Variants in TNPO1 observed in about 807,000 individuals in gnomAD.
The protein encoded by TNPO1 is transportin-1.
Under a neutral mutation model 119.5 loss-of-function variants are expected in TNPO1, and 8 were observed. The observed-to-expected ratio is 0.07, with a 90% CI of 0.04 to 0.12. TNPO1 has a LOEUF of 0.12. Ranked by LOEUF, TNPO1 falls within the 10% of genes least tolerant of loss-of-function variation. TNPO1 has a pLI of 1.00. For synonymous variants in TNPO1, 362 were observed against 363.0 expected (o/e 1.00, Z 0.03); for missense variants, 576 against 1,089.8 (o/e 0.53, Z 6.64).
At chr5:72,834,137 G>C (rs571545598) in intron 1 of TNPO1, among the ~76,000 whole-genome samples, 1 of 151,950 alleles carries the variant, frequency 6.6e-6, no homozygotes, top group African/African-American at 2.4e-5. Flanking sequence ...ATATGTCTGC[G>C]GTGGCCCTGG....
chr5:72,887,278 C>G, intron 12 of TNPO1, 56 bp downstream of exon 12: 1 of 1,124,244 alleles, frequency 8.9e-7, no homozygotes. Context: ...CTATTAGGTA[C>G]TAATAAGGCT....
intron 2 of TNPO1, 67 bp from the exon 3 acceptor site, chr5:72,851,177 G>A: frequency 2.0e-6 from 2 of 984,002 alleles, no homozygotes; most frequent in Non-Finnish European, 3.1e-6. Context: ...TTGATTTTTA[G>A]ATTTAAAATG....
chr5:72,868,977 C>G (rs886500158), intron 6 of TNPO1, among the ~76,000 whole-genome samples: 5 of 151,656 alleles, frequency 3.3e-5, no homozygotes, highest in African/African-American at 1.2e-4. Context: ...CATTGCAACT[C>G]CAGCATGGGC....
intron 1 of TNPO1, among the ~76,000 whole-genome samples, chr5:72,823,318 T>C (rs1164205888): frequency 1.3e-5 from 2 of 152,146 alleles, no homozygotes; most frequent in African/African-American, 4.8e-5. Flanking sequence ...ATATTGAAAT[T>C]GATAAGAATG....
intron 1 of TNPO1, among the ~76,000 whole-genome samples, chr5:72,821,034 G>A (rs1304880412): frequency 3.3e-5 from 5 of 152,058 alleles, no homozygotes; most frequent in Admixed American, 6.5e-5. Flanking sequence ...GAAATGAAAA[G>A]GCCCGTAAGT....
At chr5:72,906,876 T>C (rs1208129337) in intron 24 of TNPO1, among the ~76,000 whole-genome samples, 2 of 152,244 alleles carry the variant, frequency 1.3e-5, no homozygotes. Context: ...TCTTTAGATT[T>C]TCAACATGAA....
At chr5:72,852,530 G>A (rs543954163) in intron 3 of TNPO1, among the ~76,000 whole-genome samples, 2 of 152,154 alleles carry the variant, frequency 1.3e-5, no homozygotes, top group African/African-American at 2.4e-5. Context: ...AAATGAAAGC[G>A]CTGTACCCTA....
At chr5:72,877,446 G>GT in intron 9 of TNPO1, 100 bp downstream of exon 9, 1 of 638,540 alleles carries the variant, frequency 1.6e-6, no homozygotes, top group Non-Finnish European at 2.6e-6. Flanking sequence ...CCATCAGGGA[G>GT]TGAGATTCTA....
chr5:72,900,253 A>C (rs575232201), intron 21 of TNPO1, among the ~76,000 whole-genome samples, 172 bp downstream of exon 21: 2 of 152,244 alleles, frequency 1.3e-5, no homozygotes, highest in African/African-American at 4.8e-5. Context: ...TAGCATCGTC[A>C]TGTATATTTA....
intron 24 of TNPO1, among the ~76,000 whole-genome samples, chr5:72,907,632 A>T (rs1403886243): frequency 6.6e-6 from 1 of 152,196 alleles, no homozygotes; most frequent in Non-Finnish European, 1.5e-5. Context: ...TATCCTTTTT[A>T]TCATTAAAAC....
At chr5:72,824,095 CT>C (rs1744103238) in intron 1 of TNPO1, among the ~76,000 whole-genome samples, 1 of 152,192 alleles carries the variant, frequency 6.6e-6, no homozygotes, top group Non-Finnish European at 1.5e-5. Flanking sequence ...ACATGGCTGT[CT>C]TCCTGCCTGT....
intron 1 of TNPO1, among the ~76,000 whole-genome samples, chr5:72,832,579 G>C (rs915403553): frequency 5.3e-5 from 8 of 152,144 alleles, no homozygotes; most frequent in African/African-American, 1.9e-4. Flanking sequence ...TGGAGTGTCT[G>C]AGTCTTGAGA....
At chr5:72,848,556 C>T in intron 2 of TNPO1, 58 bp downstream of exon 2, 2 of 1,126,808 alleles carry the variant, frequency 1.8e-6, no homozygotes, top group Non-Finnish European at 2.3e-6. Flanking sequence ...TGCGGCCCAG[C>T]CCCCGGCGGC....
At chr5:72,871,224 G>T (rs187396224) in intron 6 of TNPO1, among the ~76,000 whole-genome samples, 2 of 152,058 alleles carry the variant, frequency 1.3e-5, no homozygotes, top group African/African-American at 4.8e-5. Context: ...TGATCCGCCC[G>T]CCTCGGCCTC....
intron 11 of TNPO1, 99 bp from the exon 12 acceptor site, chr5:72,886,971 C>A: frequency 9.3e-5 from 83 of 895,990 alleles, no homozygotes; most frequent in East Asian, 4.9e-4. Context: ...TATTTTAAAA[C>A]TCCGTATTAG....
intron 9 of TNPO1, among the ~76,000 whole-genome samples, chr5:72,880,213 G>GT (rs1484973137): frequency 6.6e-6 from 1 of 151,954 alleles, no homozygotes; most frequent in Non-Finnish European, 1.5e-5. Flanking sequence ...AAGCACCAGT[G>GT]TAACAAGGAG....
intron 6 of TNPO1, among the ~76,000 whole-genome samples, chr5:72,866,985 C>G (rs148871485): frequency 6.6e-6 from 1 of 151,860 alleles, no homozygotes; most frequent in African/African-American, 2.4e-5. Context: ...GACCAGCCTA[C>G]GCAACATAGC....
At chr5:72,847,368 T>C (rs756042347) in intron 1 of TNPO1, among the ~76,000 whole-genome samples, 3 of 152,244 alleles carry the variant, frequency 2.0e-5, no homozygotes, top group Non-Finnish European at 4.4e-5. Flanking sequence ...ATGTCATTAA[T>C]AGCTTCAGTT....
intron 1 of TNPO1, among the ~76,000 whole-genome samples, chr5:72,828,276 A>G (rs1036501917): frequency 3.9e-5 from 6 of 152,322 alleles, no homozygotes; most frequent in East Asian, 1.9e-4. Flanking sequence ...GTGGAGTACA[A>G]TGGGAGACAG....
Sources: allele counts gnomAD v4.1 joint callset (sites outside exome capture counted in the v4.1 genomes callset), GRCh38; gene constraint gnomAD v4.1.1; transcripts MANE v1.5; gene names NCBI Gene and HGNC (gene_info 2026-07-23, HGNC 2026-07-21).